Variants in CDH12 observed in about 807,000 individuals in gnomAD.
CDH12 encodes cadherin-12.
In CDH12, 41 loss-of-function variants were observed where a neutral mutation model predicts 74.1. The observed-to-expected ratio is 0.55, with a 90% confidence interval of 0.43 to 0.72. CDH12 has a LOEUF of 0.72. Ranked by LOEUF, CDH12 falls within the 30% of genes least tolerant of loss-of-function variation. The pLI, the probability that CDH12 is intolerant of heterozygous loss-of-function variation, is 0.00. For missense variants in CDH12, 945 were observed against 977.2 expected, an observed-to-expected ratio of 0.97 and a Z score of 0.44; for synonymous variants, 399 against 355.0, an observed-to-expected ratio of 1.12 and a Z score of -1.39.
At chr5:22,682,273 A>G (rs1427895168) in intron 1 of CDH12, among the ~76,000 whole-genome samples, 1 of 152,248 alleles carries the variant, frequency 6.6e-6, no homozygotes, top group African/African-American at 2.4e-5. Context: ...TATTGCTGTT[A>G]TCACATCAAT....
intron 6 of CDH12, among the ~76,000 whole-genome samples, chr5:21,906,070 T>A (rs1279948648): frequency 1.3e-5 from 2 of 152,262 alleles, no homozygotes; most frequent in East Asian, 3.9e-4. Flanking sequence ...AAGTACATAT[T>A]TATATTTATA....
At chr5:21,932,622 C>T (rs916515791) in intron 6 of CDH12, among the ~76,000 whole-genome samples, 6 of 151,910 alleles carry the variant, frequency 3.9e-5, no homozygotes, top group African/African-American at 9.7e-5. Context: ...CTAGCAAGGC[C>T]GGGTGCGCTG....
chr5:22,531,390 A>C (rs769769505), intron 1 of CDH12, among the ~76,000 whole-genome samples: 3 of 150,426 alleles, frequency 2.0e-5, no homozygotes, highest in Non-Finnish European at 4.4e-5. Context: ...GAAACTCTGA[A>C]AGGAGAAAAA....
At chr5:22,589,662 C>T (rs1561512312) in intron 1 of CDH12, among the ~76,000 whole-genome samples, 2 of 152,086 alleles carry the variant, frequency 1.3e-5, no homozygotes, top group African/African-American at 4.8e-5. Flanking sequence ...CTGGAACATC[C>T]CACTCACGTG....
chr5:22,000,467 C>T (rs561877904), intron 5 of CDH12, among the ~76,000 whole-genome samples: 8 of 152,102 alleles, frequency 5.3e-5, no homozygotes, highest in Non-Finnish European at 1.5e-5. Flanking sequence ...CAGGAGGACT[C>T]AACTTTGGTG....
At chr5:22,498,647 T>G (rs1455532551) in intron 2 of CDH12, among the ~76,000 whole-genome samples, 1 of 151,886 alleles carries the variant, frequency 6.6e-6, no homozygotes, top group Non-Finnish European at 1.5e-5. Context: ...AAAATATACA[T>G]ATGATATATA....
At chr5:22,588,872 AC>A (rs1740541415) in intron 1 of CDH12, among the ~76,000 whole-genome samples, 2 of 152,012 alleles carry the variant, frequency 1.3e-5, no homozygotes, top group South Asian at 4.2e-4. Flanking sequence ...TGCAGTTATC[AC>A]CTTTTTCTCT....
At chr5:22,606,482 G>A (rs918543713) in intron 1 of CDH12, among the ~76,000 whole-genome samples, 1 of 152,112 alleles carries the variant, frequency 6.6e-6, no homozygotes, top group African/African-American at 2.4e-5. Flanking sequence ...CTGCTATGCT[G>A]TTCTCATGAT....
chr5:21,878,804 G>A (rs199879581), intron 6 of CDH12, among the ~76,000 whole-genome samples: 1 of 17,620 alleles, frequency 5.7e-5, no homozygotes, highest in Non-Finnish European at 9.2e-4. Flanking sequence ...AAAGAAAGAA[G>A]AAAGAAAGAA....
At chr5:22,351,415 T>C (rs915621345) in intron 3 of CDH12, among the ~76,000 whole-genome samples, 1 of 152,146 alleles carries the variant, frequency 6.6e-6, no homozygotes, top group African/African-American at 2.4e-5. Context: ...CTGATTCATA[T>C]AACAAGCGGA....
Position 22,666,282 on chromosome 5 carries a change from C to CTTTTTTTTTTTTTTTTTTTT in CDH12, c.-522-160919_-522-160918insAAAAAAAAAAAAAAAAAAAA, listed in dbSNP as rs1161509257. Among the ~76,000 whole-genome samples the CTTTTTTTTTTTTTTTTTTTT allele has an allele frequency of 6.0e-4, 50 of 83,528 alleles. 6 individuals are homozygous for CTTTTTTTTTTTTTTTTTTTT. The highest frequency in any genetic ancestry group is 2.0e-3 in the East Asian group (6 of 2,958). 54.8% of individuals were successfully genotyped at this position (83,528 alleles called of 152,430 possible). A position where few individuals can be genotyped will look rare whatever the true frequency, so the allele number is the denominator to read the frequency against. ...TTATGGGATTTCTGTATCTCTCTAT[C>CTTTTTTTTTTTTTTTTTTTT]TTTTTTTTTTTTTTTTTTTGTTTTT... On this transcript the variant is annotated intron_variant, in intron 1 of 14. Transcript: ENST00000382254.
intron 2 of CDH12, among the ~76,000 whole-genome samples, chr5:22,478,311 G>T (rs1331735968): frequency 6.6e-6 from 1 of 151,312 alleles, no homozygotes. Flanking sequence ...CCAGCTACTC[G>T]GGAGGCTGAG....
intron 3 of CDH12, among the ~76,000 whole-genome samples, chr5:22,351,908 GA>G (rs1740369775): frequency 6.6e-6 from 1 of 151,932 alleles, no homozygotes; most frequent in African/African-American, 2.4e-5. Context: ...AGTAATTGAA[GA>G]AAAAAATAAT....
rs1178639815 is a variant in CDH12 at position 21,751,810 on chromosome 5, C to T, written c.2312G>A (p.Trp771Ter). The T allele has an allele frequency of 6.2e-7, 1 of 1,614,054 alleles. No homozygotes were observed. The change falls in exon 15 of 15, where the codon TGG becomes TAG. Residue 771 changes from tryptophan (W) to a stop codon, truncating the protein, a stop_gained. Coordinates refer to ENST00000382254, the MANE Select transcript of CDH12 (RefSeq NM_004061.5). LOFTEE classifies it high-confidence loss of function. ...TGCCAAGACTTTAAAGCGGGGTCCC[C>T]AGTCTGTCAGATAGTCATAGTCCTG... ...ADQDYDYLTD[W>*]GPRFKVLADM...
intron 1 of CDH12, among the ~76,000 whole-genome samples, chr5:22,624,568 A>C (rs1260185468): frequency 1.3e-5 from 2 of 152,242 alleles, no homozygotes; most frequent in Non-Finnish European, 2.9e-5. Context: ...AATGCTCATC[A>C]TCACTGGCCA....
At chr5:21,765,556 A>AAAAG (rs1264231774) in intron 11 of CDH12, among the ~76,000 whole-genome samples, 2 of 150,788 alleles carry the variant, frequency 1.3e-5, no homozygotes, top group African/African-American at 2.4e-5. Context: ...AAAAAAAAAA[A>AAAAG]GGGGAAAGAA....
chr5:22,736,587 T>C (rs1328884588), intron 1 of CDH12, among the ~76,000 whole-genome samples: 2 of 151,766 alleles, frequency 1.3e-5, no homozygotes, highest in Non-Finnish European at 2.9e-5. Flanking sequence ...TTTATTTTAA[T>C]TGAGGGATAC....
intron 3 of CDH12, among the ~76,000 whole-genome samples, chr5:22,256,404 C>A (rs752471056): frequency 2.0e-5 from 3 of 152,128 alleles, no homozygotes; most frequent in Non-Finnish European, 4.4e-5. Flanking sequence ...TGCAAACAAA[C>A]CTACTGCACT....
chr5:22,668,136 T>C (rs1366278407), intron 1 of CDH12, among the ~76,000 whole-genome samples: 1 of 152,222 alleles, frequency 6.6e-6, no homozygotes, highest in Non-Finnish European at 1.5e-5. Context: ...TTAGTCTTTC[T>C]AATTTATTTT....
Sources: allele counts gnomAD v4.1 joint callset (sites outside exome capture counted in the v4.1 genomes callset), GRCh38; gene constraint gnomAD v4.1.1; transcripts MANE v1.5; gene names NCBI Gene and HGNC (gene_info 2026-07-23, HGNC 2026-07-21).